Variants in CCDC88B observed in about 807,000 individuals in gnomAD.
CCDC88B encodes coiled-coil and HOOK domain protein 88B.
CCDC88B carries 138 observed loss-of-function variants against 183.7 expected under a neutral mutation model. The ratio of observed to expected loss-of-function variants is 0.75; its 90% CI spans 0.65 to 0.87. The LOEUF (loss-of-function observed/expected upper bound fraction) is 0.87. Among genes scored for constraint, CCDC88B ranks in the 40% least tolerant of loss-of-function variants. The probability of loss-of-function intolerance (pLI) is 0.00; values close to 1 mark genes in which losing one functional copy is unlikely to be tolerated. For synonymous variants in CCDC88B, 835 were observed against 867.5 expected (o/e 0.96, Z 0.66); for missense variants, 1,822 against 1,965.6 (o/e 0.93, Z 1.38).
rs753765898 is a variant in CCDC88B at position 64,344,953 on chromosome 11, G to A, written c.2412G>A (p.Leu804=). ...REAVEAAGQE[L]ESASQEREAL... is the part of the protein sequence containing the mutation. ...CAGTGGAGGCTGCTGGCCAGGAGCT[G>A]GAGTCTGCGTCCCAGGAACGGGAGG... Residue 804 remains leucine (L), a synonymous_variant, in exon 14 of 27, where the codon CTG becomes CTA. Transcript: ENST00000356786. This position sits in a 1 kb window ranked among gnomAD's most constrained non-coding sequence, Gnocchi z 4.5. The A allele has an allele frequency of 6.4e-7, 1 of 1,554,372 alleles. No homozygotes were observed.
rs2035901049 is a variant in CCDC88B, at chr11:64,342,323, C to G, written c.851C>G (p.Ser284Cys). 6.3e-7 allele frequency: 1 copy of G among 1,594,450 alleles called. No homozygotes were observed. Among genetic ancestry groups the G allele is most frequent in the Non-Finnish European group, 8.5e-7 (1 of 1,171,180 alleles). Residue 284 changes from serine (S) to cysteine (C), a missense_variant, in exon 9 of 27, where the codon TCC (serine) becomes TGC (cysteine). Transcript: ENST00000356786. ...LEEKAELLLDSQAEVQGLEAE... is the reference protein window; with the variant it reads ...LEEKAELLLDCQAEVQGLEAE... ...GAGAAGGCCGAGCTGCTGCTAGACT[C>G]CCAGGCCGAGGTGCAGGGTTTGGAG...
chr11:64,357,530 C>T lies in CCDC88B; in HGVS notation c.*436C>T. Reference sequence around the variant, plus strand: ...TGAGAATAAAGCTGAACTGCAGCCTCCTGAGTCTTGCTCTGTCTGTTGGCC... The same window carrying T: ...TGAGAATAAAGCTGAACTGCAGCCTTCTGAGTCTTGCTCTGTCTGTTGGCC... On this transcript the variant is annotated 3_prime_UTR_variant, in exon 27 of 27. Transcript: ENST00000356786. 1 of 674,192 alleles carries T rather than the reference C, an allele frequency of 1.5e-6. No individual in the cohort carries two copies. The highest frequency in any genetic ancestry group is 2.8e-6 in the Non-Finnish European group (1 of 360,834). The allele number at this position is 674,192 out of a possible 1,614,324, so 41.8% of individuals were successfully genotyped here.
At chr11:64,355,665 TC>T in intron 26 of CCDC88B, 37 bp downstream of exon 26, 1 of 1,554,952 alleles carries the variant, frequency 6.4e-7, no homozygotes, top group Non-Finnish European at 8.7e-7. Flanking sequence ...GTATTCTTTG[TC>T]CTGCCTGGGG....
rs1308620837 is a variant in CCDC88B at position 64,344,556 on chromosome 11, T to C, written c.2015T>C (p.Leu672Pro). The C allele has an allele frequency of 1.9e-6, 3 of 1,605,416 alleles. No homozygotes were observed. Among genetic ancestry groups the C allele is most frequent in the Admixed American group, 3.4e-5 (2 of 58,096 alleles). The change falls in exon 14 of 27, where the codon CTG (leucine) becomes CCG (proline). Residue 672 changes from leucine (L) to proline (P), a missense_variant. Physicochemically the swap from Leu to Pro is moderately conservative, Grantham distance 98. Coordinates refer to ENST00000356786, the MANE Select transcript of CCDC88B (RefSeq NM_032251.6). This position sits in a 1 kb window ranked among gnomAD's most constrained non-coding sequence, Gnocchi z 4.5. ...GAGGGCCCAAACCAGGGCCTGGACC[T>C]GGCCACGGGACAAGCAGAGGCCAGA... Reference protein sequence around the residue: ...EQEGPNQGLDLATGQAEAREH... With the variant: ...EQEGPNQGLDPATGQAEAREH...
chr11:64,348,973 G>A (rs993040740), intron 14 of CCDC88B: 16 of 717,146 alleles, frequency 2.2e-5, no homozygotes, highest in Admixed American at 1.0e-4. Context: ...TAGCTGTCTC[G>A]CTGTCACATG....
In CCDC88B at chr11:64,349,242, G is replaced by A. The variant is rs1273871995; in HGVS notation, c.2617-89G>A. ...ATACGTGCCCAGGATGGCAGGTCAA[G>A]GACAGAAAGGCAGCTCTCTTGACTC... On this transcript the variant is annotated intron_variant, in intron 14 of 26. Transcript: ENST00000356786. 58 of 1,449,528 alleles carry A rather than the reference G, an allele frequency of 4.0e-5. 1 individual carries two copies. Among genetic ancestry groups the A allele is most frequent in the Non-Finnish European group, 5.2e-5 (57 of 1,088,240 alleles). 89.8% of individuals were successfully genotyped at this position (1,449,528 alleles called of 1,614,324 possible). A position where few individuals can be genotyped will look rare whatever the true frequency, so the allele number is the denominator to read the frequency against.
At position 64,342,330 on chromosome 11, in the gene CCDC88B, C is replaced by A. The variant is rs761629579; in HGVS notation, c.858C>A (p.Ala286=). Residue 286 remains alanine, a synonymous_variant, in exon 9 of 27, where the codon GCC becomes GCA. Transcript: ENST00000356786. ...EKAELLLDSQ[A]EVQGLEAEIR... is the part of the protein sequence containing the mutation. ...CCGAGCTGCTGCTAGACTCCCAGGC[C>A]GAGGTGCAGGGTTTGGAGGCCGAAA... is the stretch of plus-strand genomic sequence containing the variant. 3.8e-6 allele frequency: 6 copies of A among 1,595,354 alleles called. No individual in the cohort carries two copies. The highest frequency in any genetic ancestry group is 4.3e-6 in the Non-Finnish European group (5 of 1,171,648).
Position 64,354,022 on chromosome 11 carries a change from A to G in CCDC88B, c.3951A>G (p.Ala1317=). The G allele has an allele frequency of 6.8e-7, 1 of 1,481,278 alleles. No individual in the cohort carries two copies. Among genetic ancestry groups the G allele is most frequent in the Non-Finnish European group, 9.0e-7 (1 of 1,111,448 alleles). 91.8% of individuals were successfully genotyped at this position (1,481,278 alleles called of 1,614,324 possible). ...LPRTKKGSWL[A]DKVKRLMRPR... is the part of the protein sequence containing the mutation. ...CCCCCAGGAAGGGCAGCTGGCTGGC[A>G]GACAAGGTGAAGAGGCTGATGCGGC... Residue 1317 remains alanine (A), a synonymous_variant, in exon 24 of 27, where the codon GCA becomes GCG. Coordinates refer to ENST00000356786, the MANE Select transcript of CCDC88B (RefSeq NM_032251.6).
intron 18 of CCDC88B, 78 bp from the exon 19 acceptor site, chr11:64,352,052 C>T (rs972453029): frequency 7.3e-6 from 11 of 1,508,794 alleles, no homozygotes; most frequent in Middle Eastern, 1.8e-4. Context: ...TACCGTCTGC[C>T]CTTAGCCCCC....
chr11:64,340,758 G>A lies in CCDC88B; in HGVS notation c.206+6G>A, dbSNP rs1171765035. On this transcript the variant is annotated splice_donor_region_variant and intron_variant, in intron 2 of 26. Coordinates refer to ENST00000356786, the MANE Select transcript of CCDC88B (RefSeq NM_032251.6). The stretch of plus-strand genomic sequence containing the variant: ...CTCCGGGTGCTGGGCATCATGTAAG[G>A]GGCATCGGGCCGGGGCGGTGGCGGG... The A allele has an allele frequency of 6.2e-7, 1 of 1,604,996 alleles. No homozygotes were observed. Among genetic ancestry groups the A allele is most frequent in the Non-Finnish European group, 8.5e-7 (1 of 1,176,046 alleles).
rs1565047940 is a variant in CCDC88B, at chr11:64,344,847, T to A, written c.2306T>A (p.Leu769Gln). 6.2e-7 allele frequency: 1 copy of A among 1,611,662 alleles called. No homozygotes were observed. The highest frequency in any genetic ancestry group is 1.1e-5 in the South Asian group (1 of 90,864). The change falls in exon 14 of 27, where the codon CTG becomes CAG. Residue 769 changes from leucine to glutamine, a missense_variant. By Grantham distance (113) the Leu-to-Gln change is moderately radical. Transcript: ENST00000356786. This position sits in a 1 kb window ranked among gnomAD's most constrained non-coding sequence, Gnocchi z 4.5. Reference sequence around the variant, plus strand: ...GAGGCTGCCCGCCTCTCCAAGGAGCTGGCCCAAGCGCGAAGGGCAGAGGCC... The same window carrying A: ...GAGGCTGCCCGCCTCTCCAAGGAGCAGGCCCAAGCGCGAAGGGCAGAGGCC... ...NTEAARLSKE[L>Q]AQARRAEAEA...
rs1160003519 is a variant in CCDC88B, at chr11:64,342,024, C to T, written c.706C>T (p.Pro236Ser). The T allele has an allele frequency of 6.2e-7, 1 of 1,612,698 alleles. No individual in the cohort carries two copies. The highest frequency in any genetic ancestry group is 8.5e-7 in the Non-Finnish European group (1 of 1,179,740). ...GGCTGAACTGCTGCTGGAGCGAGAACCCCTCTGCTTGAGGCCTGAGGCTCC... is the reference window on the plus strand; with the variant it reads ...GGCTGAACTGCTGCTGGAGCGAGAATCCCTCTGCTTGAGGCCTGAGGCTCC... ...RLAELLLERE[P>S]LCLRPEAPSR... Residue 236 changes from proline to serine, a missense_variant, in exon 8 of 27, where the codon CCC (proline) becomes TCC (serine). Physicochemically the swap from Pro to Ser is moderately conservative, Grantham distance 74 (BLOSUM62 -1). Coordinates refer to ENST00000356786, the MANE Select transcript of CCDC88B (RefSeq NM_032251.6).
At chr11:64,354,691 G>GCCC (rs370604268) in intron 24 of CCDC88B, among the ~76,000 whole-genome samples, 43 of 14,336 alleles carry the variant, frequency 3.0e-3, no homozygotes, top group East Asian at 0.015. Context: ...ATGAGCCTCC[G>GCCC]CCCCCCCCCT....
At chr11:64,355,523 C>T in intron 25 of CCDC88B, 37 bp from the exon 26 acceptor site, 1 of 1,611,272 alleles carries the variant, frequency 6.2e-7, no homozygotes, top group African/African-American at 1.3e-5. Context: ...CACTTCCGCA[C>T]TGGCCCTGGG....
At position 64,344,280 on chromosome 11, in the gene CCDC88B, G is replaced by A; in HGVS notation, c.1739G>A (p.Gly580Asp). The part of the protein sequence containing the change: ...QASDWSPQES[G>D]SPVETQESPE... Reference sequence around the variant, plus strand: ...TCAGACTGGTCCCCGCAAGAGTCAGGCTCTCCTGTGGAGACACAGGAGTCC... The same window carrying A: ...TCAGACTGGTCCCCGCAAGAGTCAGACTCTCCTGTGGAGACACAGGAGTCC... The change falls in exon 14 of 27, where the codon GGC (glycine) becomes GAC (aspartate). Residue 580 changes from glycine (G) to aspartate (D), a missense_variant. Gly to Asp is a moderately conservative substitution (Grantham distance 94). Coordinates refer to ENST00000356786, the MANE Select transcript of CCDC88B (RefSeq NM_032251.6). The surrounding 1 kb of genome is among the most constrained non-coding windows in gnomAD (Gnocchi z 4.5). The A allele has an allele frequency of 3.7e-6, 6 of 1,613,756 alleles. No individual in the cohort carries two copies. Among genetic ancestry groups the A allele is most frequent in the Non-Finnish European group, 5.1e-6 (6 of 1,179,996 alleles).
Position 64,352,174 on chromosome 11 carries a change from GA to G in CCDC88B, c.3146del (p.Lys1049SerfsTer44). On this transcript the variant is annotated frameshift_variant, in exon 19 of 27. Coordinates refer to ENST00000356786, the MANE Select transcript of CCDC88B (RefSeq NM_032251.6). LOFTEE classifies it high-confidence loss of function. ...AGATTCAGGGCCAGGAGCTGCACCGGAAGCTGGAGGTGCTGGAGGAGGAGGT... is the reference window on the plus strand; with the variant it reads ...AGATTCAGGGCCAGGAGCTGCACCGGAGCTGGAGGTGCTGGAGGAGGAGGT... ...LEIQGQELHR[K>X]LEVLEEEVRA... 6.2e-7 allele frequency: 1 copy of G among 1,603,316 alleles called. No homozygotes were observed. The highest frequency in any genetic ancestry group is 8.5e-7 in the Non-Finnish European group (1 of 1,172,210).
At chr11:64,351,056 A>G (rs2036307790) in intron 16 of CCDC88B, 104 bp from the exon 17 acceptor site, 1 of 745,540 alleles carries the variant, frequency 1.3e-6, no homozygotes, top group Non-Finnish European at 2.1e-6. Flanking sequence ...GGGGTGGACT[A>G]GGCTAAATGC....
chr11:64,356,373 G>A (rs2036546697), intron 26 of CCDC88B: 1 of 151,750 alleles, frequency 6.6e-6, no homozygotes, highest in Non-Finnish European at 1.5e-5. Flanking sequence ...AGAAGTTAGA[G>A]ACCAGCCTAG....
At chr11:64,348,157 C>T (rs1277399701) in intron 14 of CCDC88B, among the ~76,000 whole-genome samples, 1 of 151,226 alleles carries the variant, frequency 6.6e-6, no homozygotes, top group Non-Finnish European at 1.5e-5. Context: ...GGACCTGTTC[C>T]ATGGGAGGGA....
Sources: gnomAD v4.1 joint callset for allele counts (sites outside exome capture counted in the v4.1 genomes callset) on GRCh38, gnomAD v4.1.1 for gene constraint, Gnocchi (gnomAD v3.1) non-coding constraint, MANE v1.5 for transcripts, NCBI Gene and HGNC (gene_info 2026-07-23, HGNC 2026-07-21) for gene names.